CTNND2: variants seen among roughly 807,000 people sequenced by gnomAD.
The protein encoded by CTNND2 is catenin delta 2, also known as catenin delta-2.
In CTNND2, 22 loss-of-function variants were observed where a neutral mutation model predicts 144.4. That is an observed-to-expected ratio of 0.15 (90% confidence interval 0.11 to 0.22). The LOEUF is 0.22. Among genes scored for constraint, CTNND2 ranks in the 10% least tolerant of loss-of-function variants. The pLI, the probability that CTNND2 is intolerant of heterozygous loss-of-function variation, is 1.00. For synonymous variants in CTNND2, 751 were observed against 695.6 expected (o/e 1.08, Z -1.25); for missense variants, 1,353 against 1,618.8 (o/e 0.84, Z 2.82).
chr5:11,589,094 A>G (rs1050028853), intron 2 of CTNND2: 17 of 940,348 alleles, frequency 1.8e-5, no homozygotes, highest in Non-Finnish European at 2.0e-5. Context: ...AGAAAAGAAT[A>G]GAGTTCAGCC....
At chr5:11,564,843 A>C in intron 3 of CTNND2, 101 bp downstream of exon 3, 1 of 742,808 alleles carries the variant, frequency 1.3e-6, no homozygotes, top group Non-Finnish European at 2.3e-6. Context: ...CGTTTGACTG[A>C]ATGTTCCAAT....
intron 2 of CTNND2, among the ~76,000 whole-genome samples, chr5:11,680,966 T>A (rs1784398850): frequency 6.6e-6 from 1 of 152,166 alleles, no homozygotes; most frequent in South Asian, 2.1e-4. Context: ...GAGCTTTAGC[T>A]GTCTGGGATA....
At chr5:11,780,494 G>T (rs1581872806) in intron 1 of CTNND2, among the ~76,000 whole-genome samples, 1 of 152,112 alleles carries the variant, frequency 6.6e-6, no homozygotes. Flanking sequence ...ATCTTCCTCT[G>T]CCCTCTCACC....
chr5:11,446,132 C>T (rs1440686781), intron 3 of CTNND2, among the ~76,000 whole-genome samples: 1 of 152,140 alleles, frequency 6.6e-6, no homozygotes, highest in Non-Finnish European at 1.5e-5. Context: ...CCACCAAACA[C>T]AACTAATTTT....
intron 11 of CTNND2, among the ~76,000 whole-genome samples, chr5:11,167,144 G>A (rs2149780932): frequency 6.6e-6 from 1 of 152,280 alleles, no homozygotes; most frequent in South Asian, 2.1e-4. Context: ...ATTCTAGGCT[G>A]AGTCTCAGAG....
At chr5:11,383,819 A>C (rs917150736) in intron 7 of CTNND2, among the ~76,000 whole-genome samples, 5 of 152,236 alleles carry the variant, frequency 3.3e-5, no homozygotes, top group Admixed American at 3.3e-4. Flanking sequence ...GTTTCAGAAG[A>C]CAAAACATTA....
intron 18 of CTNND2, among the ~76,000 whole-genome samples, chr5:10,997,667 C>G (rs1418897296): frequency 6.6e-6 from 1 of 151,896 alleles, no homozygotes; most frequent in East Asian, 1.9e-4. Context: ...CTAAATATGA[C>G]TGAATGGGGA....
intron 6 of CTNND2, among the ~76,000 whole-genome samples, chr5:11,386,198 G>C (rs1055401606): frequency 6.6e-6 from 1 of 152,190 alleles, no homozygotes; most frequent in African/African-American, 2.4e-5. Flanking sequence ...AGATCTTCCA[G>C]GCTTTCCCCG....
intron 1 of CTNND2, among the ~76,000 whole-genome samples, chr5:11,815,022 A>G (rs534693967): frequency 2.6e-4 from 40 of 152,294 alleles, no homozygotes; most frequent in Non-Finnish European, 4.7e-4. Context: ...ATTAGTGAGA[A>G]TTTTGTGGAT....
chr5:11,124,255 C>A (rs930108798), intron 12 of CTNND2, among the ~76,000 whole-genome samples: 8 of 152,156 alleles, frequency 5.3e-5, no homozygotes, highest in African/African-American at 1.9e-4. Context: ...ATATTATTAG[C>A]AGCCAAATCG....
chr5:11,126,367 G>A (rs1022152985), intron 12 of CTNND2, among the ~76,000 whole-genome samples: 1 of 152,194 alleles, frequency 6.6e-6, no homozygotes, highest in African/African-American at 2.4e-5. Context: ...TGAATATCCA[G>A]ATTATTTCTA....
At chr5:11,713,906 G>A (rs1232614172) in intron 2 of CTNND2, among the ~76,000 whole-genome samples, 1 of 151,502 alleles carries the variant, frequency 6.6e-6, no homozygotes, top group Admixed American at 6.6e-5. Flanking sequence ...CGTTCACCTG[G>A]AAGTGTGGCA....
intron 3 of CTNND2, among the ~76,000 whole-genome samples, chr5:11,519,753 A>T (rs1772543570): frequency 6.6e-6 from 1 of 151,950 alleles, no homozygotes. Context: ...GGAAGGAAGG[A>T]AGGTAGGTAG....
intron 2 of CTNND2, among the ~76,000 whole-genome samples, chr5:11,628,225 C>A (rs1024716171): frequency 2.0e-5 from 3 of 152,090 alleles, no homozygotes; most frequent in African/African-American, 4.8e-5. Context: ...ATTAAAAAGT[C>A]TTAATTTTAG....
At chr5:11,594,968 T>C (rs1481651487) in intron 2 of CTNND2, among the ~76,000 whole-genome samples, 3 of 152,232 alleles carry the variant, frequency 2.0e-5, no homozygotes, top group Admixed American at 2.0e-4. Context: ...TAAAACTGTG[T>C]AATTCTATTT....
chr5:11,902,379 A>G (rs901283561), intron 1 of CTNND2, among the ~76,000 whole-genome samples: 5 of 152,186 alleles, frequency 3.3e-5, no homozygotes, highest in Non-Finnish European at 7.3e-5. Context: ...GTTCACCGCC[A>G]TAACTTGATA....
chr5:11,031,924 G>A (rs1251485770), intron 16 of CTNND2, among the ~76,000 whole-genome samples: 2 of 152,200 alleles, frequency 1.3e-5, no homozygotes, highest in African/African-American at 4.8e-5. Flanking sequence ...CCCTACTTTT[G>A]AGACTTTTGG....
intron 20 of CTNND2, among the ~76,000 whole-genome samples, chr5:10,985,781 T>TAACA (rs1248400372): frequency 2.6e-5 from 4 of 152,214 alleles, no homozygotes; most frequent in African/African-American, 9.6e-5. Context: ...GGGCATTTGC[T>TAACA]AACATCCTGC....
chr5:11,387,426 G>T (rs1419819012), intron 6 of CTNND2, among the ~76,000 whole-genome samples: 6 of 151,968 alleles, frequency 3.9e-5, no homozygotes, highest in African/African-American at 1.2e-4. Flanking sequence ...TGCGGAGTGG[G>T]CCCCAGAGTC....
Sources: allele counts gnomAD v4.1 joint callset (sites outside exome capture counted in the v4.1 genomes callset), GRCh38; gene constraint gnomAD v4.1.1; transcripts MANE v1.5; gene names NCBI Gene and HGNC (gene_info 2026-07-23, HGNC 2026-07-21).